The following GPHN variants were observed in gnomAD, a reference collection of about 807,000 sequenced individuals.
GPHN encodes gephyrin.
In GPHN, 17 loss-of-function variants were observed where a neutral mutation model predicts 95.5. The observed-to-expected ratio is 0.18, with a 90% CI of 0.12 to 0.27. The LOEUF is 0.27. Ranked by LOEUF, GPHN falls within the 10% of genes least tolerant of loss-of-function variation. The probability of loss-of-function intolerance (pLI) is 1.00; values close to 1 mark genes in which losing one functional copy is unlikely to be tolerated. For synonymous variants in GPHN, 320 were observed against 322.5 expected (o/e 0.99, Z 0.08); for missense variants, 660 against 978.1 (o/e 0.67, Z 4.34).
At chr14:67,146,887 G>A (rs573946977) in intron 18 of GPHN, among the ~76,000 whole-genome samples, 1 of 152,302 alleles carries the variant, frequency 6.6e-6, no homozygotes, top group African/African-American at 2.4e-5. Context: ...TAAAAAATTA[G>A]CTGGGCATAG....
At chr14:67,347,936 G>C in the GPHN span, among the ~76,000 whole-genome samples, 11 of 148,968 alleles carry the variant, frequency 7.4e-5, no homozygotes, top group Non-Finnish European at 1.5e-4. Flanking sequence ...TTTTGAGACA[G>C]AGTCTCACTC....
In GPHN at chr14:66,853,515, G is replaced by A. The variant is rs372562898; in HGVS notation, c.295-26424G>A. ...AGACCTCACAATGATGGCTGAAGAC[G>A]AATGAGGAGTCATGTCGTACTTGGC... On this transcript the variant is annotated intron_variant, in intron 4 of 22. Transcript: ENST00000478722. Among the ~76,000 whole-genome samples, 495 of 152,278 alleles carry A rather than the reference G, an allele frequency of 3.3e-3. 11 individuals are homozygous for A. Among genetic ancestry groups the A allele is most frequent in the African/African-American group, 0.011 (450 of 41,556 alleles).
intron 2 of GPHN, among the ~76,000 whole-genome samples, chr14:66,688,919 T>TG (rs1399098536): frequency 1.4e-4 from 4 of 29,262 alleles, no homozygotes; most frequent in Non-Finnish European, 2.8e-4. Flanking sequence ...TGTCGGGGGG[T>TG]GGGGGGCTGG....
intron 1 of GPHN, among the ~76,000 whole-genome samples, chr14:66,577,558 A>G (rs2060958354): frequency 1.3e-5 from 2 of 152,134 alleles, no homozygotes; most frequent in Admixed American, 6.5e-5. Flanking sequence ...TTATGGCAAG[A>G]TTTGTCAACC....
At chr14:67,647,296 C>T in the GPHN span, 1 of 331,270 alleles carries the variant, frequency 3.0e-6, no homozygotes, top group East Asian at 5.6e-5. Context: ...AGATGACAAG[C>T]ATTTATTGTT....
chr14:67,727,042 G>T, the GPHN span: 1 of 1,613,922 alleles, frequency 6.2e-7, no homozygotes, highest in Non-Finnish European at 8.5e-7. Flanking sequence ...CTGCACGGGT[G>T]GTTAATGTGT....
intron 11 of GPHN, among the ~76,000 whole-genome samples, chr14:67,070,443 A>G (rs1405747973): frequency 1.3e-5 from 2 of 149,818 alleles, no homozygotes; most frequent in African/African-American, 4.9e-5. Flanking sequence ...CACGCCTGTA[A>G]TCCCAGCACT....
At chr14:67,685,681 C>T in the GPHN span, among the ~76,000 whole-genome samples, 43 of 152,004 alleles carry the variant, frequency 2.8e-4, no homozygotes, top group African/African-American at 1.0e-3. Flanking sequence ...AGTGCAGTGG[C>T]ATGATCTTCC....
chr14:67,667,202 C>G, the GPHN span, among the ~76,000 whole-genome samples: 4 of 152,158 alleles, frequency 2.6e-5, no homozygotes, highest in African/African-American at 9.7e-5. Context: ...TAATGTTTGA[C>G]CAAGGTGGGC....
At chr14:66,799,036 A>G (rs892395289) in intron 3 of GPHN, among the ~76,000 whole-genome samples, 4 of 151,776 alleles carry the variant, frequency 2.6e-5, no homozygotes, top group Non-Finnish European at 5.9e-5. Flanking sequence ...TGTTTCAATA[A>G]ATTTTTCAGT....
the GPHN span, among the ~76,000 whole-genome samples, chr14:67,491,397 A>G: frequency 6.6e-6 from 1 of 152,240 alleles, no homozygotes; most frequent in African/African-American, 2.4e-5. Flanking sequence ...TCCTCTAAGC[A>G]TTTGGTCTTT....
the GPHN span, among the ~76,000 whole-genome samples, chr14:67,377,300 A>T: frequency 1.3e-5 from 2 of 152,074 alleles, no homozygotes; most frequent in Non-Finnish European, 2.9e-5. Flanking sequence ...TACTAGGAAA[A>T]ATCAGTCTTG....
intron 1 of GPHN, among the ~76,000 whole-genome samples, chr14:66,549,607 C>G (rs955084552): frequency 3.3e-5 from 5 of 152,204 alleles, no homozygotes; most frequent in Admixed American, 1.3e-4. Flanking sequence ...TATAGAAAAT[C>G]TAGTTAAGAT....
chr14:67,220,922 T>C, the GPHN span, among the ~76,000 whole-genome samples: 1 of 152,250 alleles, frequency 6.6e-6, no homozygotes, highest in Non-Finnish European at 1.5e-5. Context: ...ATTATGTCTT[T>C]GCATGTTTAT....
intron 5 of GPHN, among the ~76,000 whole-genome samples, chr14:66,882,027 T>C (rs2063954522): frequency 6.6e-6 from 1 of 151,864 alleles, no homozygotes; most frequent in African/African-American, 2.4e-5. Context: ...TTTTAAAAAT[T>C]ATTATTTTTA....
chr14:67,344,192 A>T, the GPHN span, among the ~76,000 whole-genome samples: 1 of 152,310 alleles, frequency 6.6e-6, no homozygotes, highest in South Asian at 2.1e-4. Flanking sequence ...TGACCTCTGT[A>T]TTGTACTCGC....
the GPHN span, among the ~76,000 whole-genome samples, chr14:67,429,334 G>A: frequency 1.3e-5 from 2 of 151,396 alleles, no homozygotes; most frequent in African/African-American, 2.4e-5. Context: ...GGGTTCAAGC[G>A]ATTCTCCTGT....
the GPHN span, among the ~76,000 whole-genome samples, chr14:67,251,304 A>G: frequency 6.6e-6 from 1 of 152,208 alleles, no homozygotes; most frequent in Admixed American, 6.5e-5. Flanking sequence ...AGGCCGAGGC[A>G]GGAGGACCGC....
intron 1 of GPHN, among the ~76,000 whole-genome samples, chr14:66,665,613 G>A (rs7142848): frequency 0.31 from 47,856 of 152,012 alleles, 11,528 homozygotes; most frequent in African/African-American, 0.65. Context: ...AGTGCTGGAG[G>A]GGATGTGGAG....
Sources: gnomAD v4.1 joint callset for allele counts (sites outside exome capture counted in the v4.1 genomes callset) on GRCh38, gnomAD v4.1.1 for gene constraint, MANE v1.5 for transcripts, NCBI Gene and HGNC (gene_info 2026-07-23, HGNC 2026-07-21) for gene names.